Variants in SMR3B observed in about 807,000 individuals in gnomAD.
The protein encoded by SMR3B is submaxillary gland androgen-regulated protein 3B.
For synonymous variants in SMR3B, 42 were observed against 36.1 expected, an observed-to-expected ratio of 1.16 and a Z score of -0.59; for missense variants, 114 against 99.9, an observed-to-expected ratio of 1.14 and a Z score of -0.60.
intron 2 of SMR3B, among the ~76,000 whole-genome samples, chr4:70,386,802 G>A (rs776938182): frequency 6.6e-6 from 1 of 152,164 alleles, no homozygotes; most frequent in Non-Finnish European, 1.5e-5. Context: ...AAAAGTGAAT[G>A]GAGTATTTTC....
At chr4:70,389,608 T>C in intron 2 of SMR3B, 55 bp from the exon 3 acceptor site, 1 of 1,553,348 alleles carries the variant, frequency 6.4e-7, no homozygotes. Context: ...GCATTCACCC[T>C]TATATTTAAC....
intron 2 of SMR3B, 106 bp from the exon 3 acceptor site, chr4:70,389,557 G>A (rs1454114571): frequency 2.5e-6 from 3 of 1,195,842 alleles, no homozygotes; most frequent in Non-Finnish European, 3.6e-6. Flanking sequence ...GCAGGGAGTA[G>A]AAATCTTGGG....
At chr4:70,386,742 CTT>C (rs1732673591) in intron 2 of SMR3B, among the ~76,000 whole-genome samples, 1 of 152,134 alleles carries the variant, frequency 6.6e-6, no homozygotes, top group African/African-American at 2.4e-5. Context: ...ATCAGGATAT[CTT>C]TAGGAGGCGA....
At chr4:70,389,214 A>G (rs1276280656) in intron 2 of SMR3B, among the ~76,000 whole-genome samples, 1 of 152,176 alleles carries the variant, frequency 6.6e-6, no homozygotes, top group African/African-American at 2.4e-5. Context: ...TCAGTCTCAC[A>G]AGGCTGAAAA....
chr4:70,390,132 T>G lies in SMR3B; in HGVS notation c.*284T>G, dbSNP rs1170423111. 5 of 709,656 alleles carry G rather than the reference T, an allele frequency of 7.0e-6. No individual in the cohort carries two copies. The highest frequency in any genetic ancestry group is 1.3e-5 in the Non-Finnish European group (5 of 396,906). The allele number at this position is 709,656 out of a possible 1,614,324, so 44.0% of individuals were successfully genotyped here. A position where few individuals can be genotyped will look rare whatever the true frequency, so the allele number is the denominator to read the frequency against. Reference sequence around the variant, plus strand: ...TCCATTTTTGGATGAGAATGAAAAATTCCAAAAGTGCTGAGCTTTGGGGAG... The same window carrying G: ...TCCATTTTTGGATGAGAATGAAAAAGTCCAAAAGTGCTGAGCTTTGGGGAG... On this transcript the variant is annotated 3_prime_UTR_variant, in exon 3 of 3. Transcript: ENST00000304915.
chr4:70,384,783 C>A, intron 2 of SMR3B: 1 of 837,604 alleles, frequency 1.2e-6, no homozygotes, highest in Non-Finnish European at 1.8e-6. Context: ...TCTGTGGTAT[C>A]AGACTGCATT....
At chr4:70,389,198 C>T (rs2109762371) in intron 2 of SMR3B, among the ~76,000 whole-genome samples, 1 of 152,308 alleles carries the variant, frequency 6.6e-6, no homozygotes, top group African/African-American at 2.4e-5. Context: ...TAGTTGGCTT[C>T]TCTGCTCAGT....
chr4:70,389,663 C>A lies in SMR3B; in HGVS notation c.55C>A (p.Pro19Thr), dbSNP rs1285255907. The A allele has an allele frequency of 2.5e-6, 4 of 1,613,192 alleles. No homozygotes were observed. In the African/African-American group the frequency reaches 5.3e-5, roughly 22 times the overall value. Reference protein sequence around the residue: ...GLWALAACFTPGESQRGPRGP... With the variant: ...GLWALAACFTTGESQRGPRGP... The stretch of plus-strand genomic sequence containing the variant: ...AATTATTTACTTCTTATTTCCACAG[C>A]CTGGTGAGAGTCAAAGAGGCCCCAG... Residue 19 changes from proline (P) to threonine (T), a missense_variant and splice_region_variant, in exon 3 of 3, where the codon CCT becomes ACT. Transcript: ENST00000304915.
chr4:70,384,215 T>TTC (rs911172179), intron 1 of SMR3B, among the ~76,000 whole-genome samples: 2 of 152,144 alleles, frequency 1.3e-5, no homozygotes, highest in African/African-American at 2.4e-5. Flanking sequence ...TCATAAAAGC[T>TTC]TCTATTGCTC....
chr4:70,389,842 A>C lies in SMR3B; in HGVS notation c.234A>C (p.Gln78His). ...GPGIFPPPPPQP is the reference protein window; with the variant it reads ...GPGIFPPPPPHP ...GGATATTTCCACCACCCCCTCCTCA[A>C]CCCTAAGGTCCACCACTCCATCCTG... Residue 78 changes from glutamine to histidine, a missense_variant, in exon 3 of 3, where the codon CAA (glutamine) becomes CAC (histidine). Coordinates refer to ENST00000304915, the MANE Select transcript of SMR3B (RefSeq NM_006685.4). 2.5e-6 allele frequency: 4 copies of C among 1,612,750 alleles called. No individual in the cohort carries two copies. Among genetic ancestry groups the C allele is most frequent in the Non-Finnish European group, 3.4e-6 (4 of 1,179,564 alleles).
intron 1 of SMR3B, 56 bp downstream of exon 1, chr4:70,383,268 T>A (rs1732588527): frequency 6.6e-6 from 1 of 152,142 alleles, no homozygotes; most frequent in South Asian, 2.1e-4. Context: ...GAAATTTTTC[T>A]CAAAGATAAC....
chr4:70,386,461 T>C (rs1191499591), intron 2 of SMR3B, among the ~76,000 whole-genome samples: 1 of 148,676 alleles, frequency 6.7e-6, no homozygotes, highest in Non-Finnish European at 1.5e-5. Flanking sequence ...CACACACAAA[T>C]AAAGCAAGTC....
intron 1 of SMR3B, among the ~76,000 whole-genome samples, 155 bp downstream of exon 1, chr4:70,383,367 A>C (rs1732590916): frequency 6.6e-6 from 1 of 152,108 alleles, no homozygotes; most frequent in Non-Finnish European, 1.5e-5. Context: ...GTAAGTCATT[A>C]AATGCAATAA....
intron 1 of SMR3B, among the ~76,000 whole-genome samples, chr4:70,383,443 G>A (rs756889763): frequency 1.6e-4 from 24 of 152,008 alleles, no homozygotes; most frequent in Non-Finnish European, 3.2e-4. Flanking sequence ...TGGGCCAATC[G>A]GTCCATCCAA....
rs780794609 is a variant in SMR3B at position 70,390,104 on chromosome 4, G to A, written c.*256G>A. ...TTCCAAGAGACATTTACATAAAATT[G>A]CTTCCATTTTTGGATGAGAATGAAA... On this transcript the variant is annotated 3_prime_UTR_variant, in exon 3 of 3. Transcript: ENST00000304915. The A allele has an allele frequency of 1.4e-5, 11 of 779,074 alleles. No homozygotes were observed. The African/African-American group carries it at 1.7e-4, about 12-fold the overall frequency. 48.3% of individuals were successfully genotyped at this position (779,074 alleles called of 1,614,324 possible).
At chr4:70,387,500 G>T (rs1016430564) in intron 2 of SMR3B, among the ~76,000 whole-genome samples, 1 of 152,042 alleles carries the variant, frequency 6.6e-6, no homozygotes, top group Non-Finnish European at 1.5e-5. Flanking sequence ...CATTTAACTG[G>T]CTCATTTTCC....
At position 70,389,922 on chromosome 4, in the gene SMR3B, C is replaced by T. The variant is rs765002821; in HGVS notation, c.*74C>T. 3 of 1,605,418 alleles carry T rather than the reference C, an allele frequency of 1.9e-6. No individual in the cohort carries two copies. In the South Asian group the frequency reaches 3.3e-5, roughly 18 times the overall value. On this transcript the variant is annotated 3_prime_UTR_variant, in exon 3 of 3. Transcript: ENST00000304915. ...CGACCAAGACCCTATCCACCTGGACCTCCATTTTTCCCTGTAAATTCTCCA... is the reference window on the plus strand; with the variant it reads ...CGACCAAGACCCTATCCACCTGGACTTCCATTTTTCCCTGTAAATTCTCCA...
At position 70,389,708 on chromosome 4, in the gene SMR3B, C is replaced by G. The variant is rs201478250; in HGVS notation, c.100C>G (p.Pro34Ala). Residue 34 changes from proline (P) to alanine (A), a missense_variant, in exon 3 of 3, where the codon CCG becomes GCG. Physicochemically the swap from Pro to Ala is conservative, Grantham distance 27. Coordinates refer to ENST00000304915, the MANE Select transcript of SMR3B (RefSeq NM_006685.4). ...RGPRGPYPPGPLAPPQPFGPG... is the reference protein window; with the variant it reads ...RGPRGPYPPGALAPPQPFGPG... ...CCCCAGGGGACCATATCCACCTGGA[C>G]CGCTGGCTCCTCCTCAACCTTTTGG... 45 of 1,614,036 alleles carry G rather than the reference C, an allele frequency of 2.8e-5. No homozygotes were observed. Among genetic ancestry groups the G allele is most frequent in the Non-Finnish European group, 3.8e-5 (45 of 1,180,048 alleles).
rs866336732 is a variant in SMR3B at position 70,384,743 on chromosome 4, T to C, written c.54+179T>C. 44 of 1,281,440 alleles carry C rather than the reference T, an allele frequency of 3.4e-5. No individual in the cohort carries two copies. The South Asian group carries it at 6.7e-4, about 19-fold the overall frequency. The allele number at this position is 1,281,440 out of a possible 1,614,324, so 79.4% of individuals were successfully genotyped here. ...AATCTAATTTAAATAACCACACATG[T>C]CTGATGGCTGCCATACTGGACAGCT... On this transcript the variant is annotated intron_variant, in intron 2 of 2. Coordinates refer to ENST00000304915, the MANE Select transcript of SMR3B (RefSeq NM_006685.4).
Sources: gnomAD v4.1 joint callset for allele counts (sites outside exome capture counted in the v4.1 genomes callset) on GRCh38, gnomAD v4.1.1 for gene constraint, MANE v1.5 for transcripts, NCBI Gene and HGNC (gene_info 2026-07-23, HGNC 2026-07-21) for gene names.